Variants in CLPSL1 observed in about 807,000 individuals in gnomAD.
CLPSL1 encodes colipase like 1.
CLPSL1 carries 13 observed loss-of-function variants against 9.3 expected under a neutral mutation model. The observed-to-expected ratio is 1.40, with a 90% CI of 0.91 to 2.22. The LOEUF is 2.22. Among genes scored for constraint, CLPSL1 ranks in the 30% most tolerant of loss-of-function variants. The pLI is 0.00. For missense variants in CLPSL1, 164 were observed against 146.6 expected, an observed-to-expected ratio of 1.12 and a Z score of -0.61; for synonymous variants, 58 against 56.9, an observed-to-expected ratio of 1.02 and a Z score of -0.08.
At chr6:35,790,179 TG>T (rs1768159681), downstream of CLPSL1, among the ~76,000 whole-genome samples, 1 of 152,242 alleles carries the variant, frequency 6.6e-6, no homozygotes, top group Admixed American at 6.5e-5. Flanking sequence ...CAAGCAATCC[TG>T]CCTCAGCCTC....
intron 1 of CLPSL1, among the ~76,000 whole-genome samples, chr6:35,783,100 A>C (rs1243923340): frequency 6.6e-6 from 1 of 152,112 alleles, no homozygotes; most frequent in African/African-American, 2.4e-5. Context: ...TCATTACCCC[A>C]AAAGCCTCAC....
In CLPSL1 at chr6:35,788,038, T is replaced by C. The variant is rs1768122462; in HGVS notation, c.*28T>C. ...CTCCCTCCTTCTTGCTGCCTCCTCC[T>C]CCTCCACCTGCTCTCCTCCCTACCC... On this transcript the variant is annotated 3_prime_UTR_variant, in exon 3 of 3. Coordinates refer to ENST00000373861, the MANE Select transcript of CLPSL1 (RefSeq NM_001010886.5). 3 of 1,550,456 alleles carry C rather than the reference T, an allele frequency of 1.9e-6. No individual in the cohort carries two copies. The highest frequency in any genetic ancestry group is 2.7e-5 in the African/African-American group (2 of 73,648).
At chr6:35,786,231 G>A (rs1159271789) in intron 1 of CLPSL1, among the ~76,000 whole-genome samples, 1 of 152,140 alleles carries the variant, frequency 6.6e-6, no homozygotes, top group African/African-American at 2.4e-5. Context: ...CAGCCTGCGC[G>A]ATGGAAGCAA....
chr6:35,786,932 C>G, intron 1 of CLPSL1, 66 bp from the exon 2 acceptor site: 1 of 1,533,526 alleles, frequency 6.5e-7, no homozygotes, highest in South Asian at 1.2e-5. Context: ...GGAGAAAGCC[C>G]CAGGCGGGGC....
chr6:35,782,592 G>A (rs1261855249), intron 1 of CLPSL1, among the ~76,000 whole-genome samples: 2 of 152,222 alleles, frequency 1.3e-5, no homozygotes, highest in Non-Finnish European at 2.9e-5. Flanking sequence ...GGAGGCAGCC[G>A]GGCAAAGAGT....
chr6:35,784,693 G>C (rs182931805), intron 1 of CLPSL1, among the ~76,000 whole-genome samples: 3 of 152,284 alleles, frequency 2.0e-5, no homozygotes, highest in African/African-American at 7.2e-5. Flanking sequence ...TGAGCCCAGA[G>C]GTTCGAGACC....
chr6:35,792,830 G>A (rs146068336), downstream of CLPSL1, among the ~76,000 whole-genome samples: 219 of 152,344 alleles, frequency 1.4e-3, 1 homozygote, highest in South Asian at 0.01. Flanking sequence ...ACCAAGAAGC[G>A]TGACTCAGCC....
chr6:35,786,905 G>C (rs1768085017), intron 1 of CLPSL1, 93 bp from the exon 2 acceptor site: 2 of 1,449,830 alleles, frequency 1.4e-6, no homozygotes, highest in Non-Finnish European at 1.9e-6. Context: ...AGCAGAGTCT[G>C]GGGAGGAGCC....
chr6:35,789,875 G>C (rs6939977), downstream of CLPSL1, among the ~76,000 whole-genome samples: 109,523 of 151,094 alleles, frequency 0.72, 36,743 homozygotes, highest in South Asian at 0.79. Context: ...GCCTGGGCAA[G>C]AGAGCAAGAC....
chr6:35,789,316 A>T (rs931125658), downstream of CLPSL1, among the ~76,000 whole-genome samples: 12 of 152,282 alleles, frequency 7.9e-5, no homozygotes, highest in Admixed American at 1.3e-4. Flanking sequence ...AAGTTTCAAC[A>T]AGGGCACCAA....
chr6:35,789,057 C>G (rs896978273), downstream of CLPSL1, among the ~76,000 whole-genome samples: 2 of 152,230 alleles, frequency 1.3e-5, no homozygotes, highest in Non-Finnish European at 2.9e-5. Flanking sequence ...CGATGTGAAC[C>G]ATACCTTGGT....
chr6:35,788,974 G>A (rs933927731), downstream of CLPSL1, among the ~76,000 whole-genome samples: 1 of 152,276 alleles, frequency 6.6e-6, no homozygotes, highest in African/African-American at 2.4e-5. Flanking sequence ...TTGGGCTTAG[G>A]ATGCAAGGGC....
intron 1 of CLPSL1, among the ~76,000 whole-genome samples, chr6:35,781,690 G>A (rs1338553748): frequency 1.3e-5 from 2 of 150,962 alleles, no homozygotes; most frequent in Non-Finnish European, 2.9e-5. Flanking sequence ...AATAAGAATC[G>A]AGCTGTGGGA....
intron 1 of CLPSL1, among the ~76,000 whole-genome samples, chr6:35,786,137 C>T (rs1462332676): frequency 2.6e-5 from 4 of 151,948 alleles, no homozygotes; most frequent in East Asian, 1.9e-4. Context: ...TGGTGGCGCA[C>T]GGCTGTAATC....
At chr6:35,781,286 A>G in intron 1 of CLPSL1, 77 bp downstream of exon 1, 1 of 1,547,628 alleles carries the variant, frequency 6.5e-7, no homozygotes, top group Non-Finnish European at 8.7e-7. Context: ...GTGAGCGGGC[A>G]TGGGGGCTAG....
downstream of CLPSL1, among the ~76,000 whole-genome samples, chr6:35,792,880 A>C (rs1211792996): frequency 6.6e-6 from 1 of 152,264 alleles, no homozygotes. Flanking sequence ...TAAGGTATTG[A>C]AAGCTCCTCT....
Position 35,788,051 on chromosome 6 carries a change from C to G in CLPSL1, c.*41C>G, listed in dbSNP as rs1302212515. The stretch of plus-strand genomic sequence containing the variant: ...GCTGCCTCCTCCTCCTCCACCTGCT[C>G]TCCTCCCTACCCAGAGCTCTGTGTT... On this transcript the variant is annotated 3_prime_UTR_variant, in exon 3 of 3. Coordinates refer to ENST00000373861, the MANE Select transcript of CLPSL1 (RefSeq NM_001010886.5). 1 of 1,471,930 alleles carries G rather than the reference C, an allele frequency of 6.8e-7. No homozygotes were observed. The allele number at this position is 1,471,930 out of a possible 1,614,324, so 91.2% of individuals were successfully genotyped here.
At chr6:35,793,559 T>C (rs6457853) in exon 2 of CLPSL1, 86,967 of 457,940 alleles carry the variant, frequency 0.19, 167 homozygotes, top group Non-Finnish European at 0.21. Flanking sequence ...TGCTAAGGCA[T>C]GTGGCAACCT....
At chr6:35,792,227 T>A (rs1768234315), downstream of CLPSL1, among the ~76,000 whole-genome samples, 1 of 152,066 alleles carries the variant, frequency 6.6e-6, no homozygotes, top group Admixed American at 6.6e-5. Flanking sequence ...TGAGCCATGA[T>A]CATGCCACTG....
Sources: gnomAD v4.1 joint callset for allele counts (sites outside exome capture counted in the v4.1 genomes callset) on GRCh38, gnomAD v4.1.1 for gene constraint, MANE v1.5 for transcripts, NCBI Gene and HGNC (gene_info 2026-07-23, HGNC 2026-07-21) for gene names.